The following NECTIN3 variants were observed in gnomAD, a reference collection of about 807,000 sequenced individuals.
The protein encoded by NECTIN3 is nectin-3.
NECTIN3 carries 8 observed loss-of-function variants against 49.4 expected under a neutral mutation model. The ratio of observed to expected loss-of-function variants is 0.16; its 90% CI spans 0.10 to 0.29. NECTIN3 has a LOEUF of 0.29. Ranked by LOEUF, NECTIN3 falls within the 10% of genes least tolerant of loss-of-function variation. The pLI, the probability that NECTIN3 is intolerant of heterozygous loss-of-function variation, is 1.00. For missense variants in NECTIN3, 581 were observed against 654.6 expected, an observed-to-expected ratio of 0.89 and a Z score of 1.23; for synonymous variants, 277 against 241.1, an observed-to-expected ratio of 1.15 and a Z score of -1.38.
chr3:111,138,962 A>ATT (rs2034672129), downstream of NECTIN3, among the ~76,000 whole-genome samples: 1 of 151,614 alleles, frequency 6.6e-6, no homozygotes, highest in Admixed American at 6.6e-5. Flanking sequence ...CTTTCTTAAA[A>ATT]AACAACAACA....
chr3:111,082,067 G>T (rs2031641579), intron 1 of NECTIN3, among the ~76,000 whole-genome samples: 1 of 152,168 alleles, frequency 6.6e-6, no homozygotes, highest in Admixed American at 6.5e-5. Context: ...TTTGCAAAGG[G>T]ATTTGAAGGG....
At chr3:111,082,125 G>A (rs1261772189) in intron 1 of NECTIN3, among the ~76,000 whole-genome samples, 2 of 152,166 alleles carry the variant, frequency 1.3e-5, no homozygotes, top group South Asian at 2.1e-4. Context: ...ATATCATTGT[G>A]GGTAAGGAAG....
intron 1 of NECTIN3, among the ~76,000 whole-genome samples, chr3:111,104,369 G>A (rs1215195617): frequency 7.3e-6 from 1 of 137,594 alleles, no homozygotes; most frequent in African/African-American, 2.8e-5. Context: ...CTACAAGGCT[G>A]GAGTGCAGTG....
At chr3:111,109,513 GT>G (rs981518508) in intron 1 of NECTIN3, among the ~76,000 whole-genome samples, 4 of 150,790 alleles carry the variant, frequency 2.7e-5, no homozygotes, top group African/African-American at 7.3e-5. Flanking sequence ...TCCATCTAGG[GT>G]TTTTTTTTCT....
At position 111,136,973 on chromosome 3, in the gene NECTIN3, T is replaced by C. The variant is rs1279334190; in HGVS notation, c.*2758T>C. The stretch of plus-strand genomic sequence containing the variant: ...CTAGTAGGGTTCTATTTGCTAACTC[T>C]AATATTGAGGAAACTATTAAGGTTT... On this transcript the variant is annotated 3_prime_UTR_variant, in exon 6 of 6. Coordinates refer to ENST00000485303, the MANE Select transcript of NECTIN3 (RefSeq NM_015480.3). The C allele has an allele frequency of 2.0e-6, 2 of 977,410 alleles. No homozygotes were observed. 60.5% of individuals were successfully genotyped at this position (977,410 alleles called of 1,614,324 possible).
intron 7 of NECTIN3, among the ~76,000 whole-genome samples, chr3:111,158,002 T>G (rs2035132493): frequency 6.6e-6 from 1 of 152,102 alleles, no homozygotes; most frequent in African/African-American, 2.4e-5. Context: ...TAAGAACTGT[T>G]GCCAATCCAC....
Position 111,136,553 on chromosome 3 carries a change from G to C in NECTIN3, c.*2338G>C, listed in dbSNP as rs1008843390. ...TATTAGAACTTTATGTATATTTACTGTACATAGAGACTTGTTTGAAAACAT... is the reference window on the plus strand; with the variant it reads ...TATTAGAACTTTATGTATATTTACTCTACATAGAGACTTGTTTGAAAACAT... On this transcript the variant is annotated 3_prime_UTR_variant, in exon 6 of 6. Coordinates refer to ENST00000485303, the MANE Select transcript of NECTIN3 (RefSeq NM_015480.3). 1 of 949,498 alleles carries C rather than the reference G, an allele frequency of 1.1e-6. No individual in the cohort carries two copies. The highest frequency in any genetic ancestry group is 1.3e-6 in the Non-Finnish European group (1 of 797,578). The allele number at this position is 949,498 out of a possible 1,614,324, so 58.8% of individuals were successfully genotyped here.
chr3:111,099,548 G>A (rs1246237259), intron 1 of NECTIN3, among the ~76,000 whole-genome samples: 3 of 152,288 alleles, frequency 2.0e-5, no homozygotes, highest in East Asian at 3.9e-4. Flanking sequence ...TATTCCATGA[G>A]TGAAAATCAA....
chr3:111,085,327 TAAA>T (rs2031863074), intron 1 of NECTIN3, among the ~76,000 whole-genome samples: 1 of 152,212 alleles, frequency 6.6e-6, no homozygotes, highest in Admixed American at 6.5e-5. Context: ...TAGGCTTGAT[TAAA>T]GTCAAAGTGC....
At chr3:111,084,953 A>G (rs887122722) in intron 1 of NECTIN3, among the ~76,000 whole-genome samples, 1 of 152,182 alleles carries the variant, frequency 6.6e-6, no homozygotes, top group Non-Finnish European at 1.5e-5. Flanking sequence ...TCAAGGTGTA[A>G]GCAAGGCCAT....
At position 111,120,378 on chromosome 3, in the gene NECTIN3, G is replaced by C. The variant is rs145747173; in HGVS notation, c.799+1426G>C. Among the ~76,000 whole-genome samples the C allele has an allele frequency of 1.1e-3, 161 of 151,884 alleles. 1 individual carries two copies. The East Asian group carries it at 0.029, about 27-fold the overall frequency. ...ATGACATTTTTCCTTTTGTAAATTG[G>C]AGACCTATAAGACATGTAAACAAAC... is the stretch of plus-strand genomic sequence containing the variant. On this transcript the variant is annotated intron_variant, in intron 3 of 5. Coordinates refer to ENST00000485303, the MANE Select transcript of NECTIN3 (RefSeq NM_015480.3).
chr3:111,188,631 C>A (rs993653964), upstream of NECTIN3, among the ~76,000 whole-genome samples: 10 of 152,274 alleles, frequency 6.6e-5, no homozygotes, highest in East Asian at 1.7e-3. Flanking sequence ...TCTTTAAAAT[C>A]TGTTTGTATT....
At chr3:111,182,724 A>T (rs559708770) in intron 7 of NECTIN3, among the ~76,000 whole-genome samples, 2 of 152,016 alleles carry the variant, frequency 1.3e-5, no homozygotes, top group African/African-American at 2.4e-5. Context: ...CTATGTCTTA[A>T]CATATTTACA....
chr3:111,103,817 G>A (rs2033039274), intron 1 of NECTIN3, among the ~76,000 whole-genome samples: 2 of 152,048 alleles, frequency 1.3e-5, no homozygotes, highest in Admixed American at 1.3e-4. Context: ...ATCAAGCTGG[G>A]GAAGTTGCAG....
intron 1 of NECTIN3, among the ~76,000 whole-genome samples, chr3:111,088,548 AT>A (rs960795730): frequency 3.1e-4 from 47 of 151,980 alleles, no homozygotes; most frequent in African/African-American, 9.9e-4. Flanking sequence ...TGAGGATATG[AT>A]TTTTTCCCCC....
At chr3:111,095,567 T>C (rs950451227) in intron 1 of NECTIN3, among the ~76,000 whole-genome samples, 5 of 152,216 alleles carry the variant, frequency 3.3e-5, no homozygotes, top group Non-Finnish European at 7.3e-5. Context: ...CCCCTTACTT[T>C]TTTCAACAGC....
Position 111,134,978 on chromosome 3 carries a change from T to C in NECTIN3, c.*763T>C. The C allele has an allele frequency of 1.0e-6, 1 of 980,488 alleles. No individual in the cohort carries two copies. The highest frequency in any genetic ancestry group is 1.2e-6 in the Non-Finnish European group (1 of 825,610). 60.7% of individuals were successfully genotyped at this position (980,488 alleles called of 1,614,324 possible). On this transcript the variant is annotated 3_prime_UTR_variant, in exon 6 of 6. Coordinates refer to ENST00000485303, the MANE Select transcript of NECTIN3 (RefSeq NM_015480.3). The stretch of plus-strand genomic sequence containing the variant: ...CTTTCAAACATGATAATTATTAGTT[T>C]TTTTTTTTCCTTTCTGGAACATGGA...
intron 7 of NECTIN3, among the ~76,000 whole-genome samples, chr3:111,167,774 A>G (rs2035348685): frequency 1.3e-5 from 2 of 152,198 alleles, no homozygotes; most frequent in South Asian, 4.1e-4. Context: ...CAGGGTGAGC[A>G]GAGAGGCCAC....
intron 7 of NECTIN3, among the ~76,000 whole-genome samples, chr3:111,163,589 A>G (rs1401441457): frequency 6.6e-6 from 1 of 152,218 alleles, no homozygotes; most frequent in African/African-American, 2.4e-5. Flanking sequence ...AAGGTTTGTA[A>G]TGTCACTTTA....
Sources: allele counts gnomAD v4.1 joint callset (sites outside exome capture counted in the v4.1 genomes callset), GRCh38; gene constraint gnomAD v4.1.1; transcripts MANE v1.5; gene names NCBI Gene and HGNC (gene_info 2026-07-23, HGNC 2026-07-21).